The following FRRS1 variants were observed in gnomAD, a reference collection of about 807,000 sequenced individuals.
FRRS1 encodes the protein ferric reductase 1.
A neutral mutation model predicts 70.7 loss-of-function variants in FRRS1; 51 were observed. The ratio of observed to expected loss-of-function variants is 0.72; its 90% CI spans 0.58 to 0.91. FRRS1 has a LOEUF of 0.91. FRRS1 is among the 40% of genes least tolerant of loss of function. The pLI is 0.00. For missense variants in FRRS1, 672 were observed against 726.0 expected (o/e 0.93, Z 0.86); for synonymous variants, 225 against 238.7 (o/e 0.94, Z 0.53).
chr1:99,715,741 A>G, intron 11 of FRRS1, 69 bp from the exon 12 acceptor site: 1 of 1,019,738 alleles, frequency 9.8e-7, no homozygotes, highest in Non-Finnish European at 1.6e-6. Context: ...TGCAACGGGG[A>G]AAATGGGGAA....
In FRRS1 at chr1:99,719,631, G is replaced by C. The variant is rs1040911816; in HGVS notation, c.1023C>G (p.His341Gln). The C allele has an allele frequency of 1.3e-6, 2 of 1,598,620 alleles. No individual in the cohort carries two copies. The highest frequency in any genetic ancestry group is 4.5e-5 in the East Asian group (2 of 44,702). Residue 341 changes from histidine (H) to glutamine (Q), a missense_variant, in exon 10 of 17, where the codon CAC becomes CAG. Physicochemically the swap from His to Gln is conservative, Grantham distance 24 (BLOSUM62 0). Transcript: ENST00000646001. ...CATAGGTAATCAAAGGTTGCTGAGA[G>C]TGCTTGTAAATTCGACCTGCAAATT... ...GAANDGRIYK[H>Q]SQQPLITYEK...
At chr1:99,740,232 T>C (rs565014280) in intron 6 of FRRS1, among the ~76,000 whole-genome samples, 1 of 152,302 alleles carries the variant, frequency 6.6e-6, no homozygotes, top group South Asian at 2.1e-4. Context: ...AAAAAACTAT[T>C]GCTTCATCAG....
intron 4 of FRRS1, among the ~76,000 whole-genome samples, chr1:99,745,385 C>T (rs1192647938): frequency 5.9e-5 from 9 of 152,114 alleles, no homozygotes; most frequent in Non-Finnish European, 1.3e-4. Context: ...TAAAAGACTG[C>T]CTTTTAAAGG....
chr1:99,738,982 C>T (rs527539235), intron 6 of FRRS1, among the ~76,000 whole-genome samples: 8 of 152,244 alleles, frequency 5.3e-5, no homozygotes, highest in African/African-American at 1.9e-4. Context: ...TGTTCGAATG[C>T]TGTGACAGTA....
chr1:99,755,620 T>C (rs1321026639), intron 1 of FRRS1, among the ~76,000 whole-genome samples: 4 of 152,204 alleles, frequency 2.6e-5, no homozygotes, highest in Admixed American at 2.0e-4. Context: ...GAAACAAAAC[T>C]TGATATCCAG....
intron 10 of FRRS1, 61 bp downstream of exon 10, chr1:99,719,473 C>A: frequency 3.6e-6 from 3 of 840,404 alleles, no homozygotes; most frequent in Non-Finnish European, 6.1e-6. Flanking sequence ...CATTCCTAAT[C>A]CAGCCAGCAC....
chr1:99,734,657 G>C (rs1655560529), intron 7 of FRRS1, among the ~76,000 whole-genome samples: 1 of 152,140 alleles, frequency 6.6e-6, no homozygotes, highest in Non-Finnish European at 1.5e-5. Context: ...AAAGATGCTG[G>C]CAGCAGTAAC....
intron 9 of FRRS1, among the ~76,000 whole-genome samples, chr1:99,725,178 A>T (rs1309053158): frequency 1.3e-5 from 2 of 152,172 alleles, no homozygotes; most frequent in Admixed American, 6.5e-5. Flanking sequence ...GCCACCGCTG[A>T]TCTGACAGGA....
At chr1:99,745,279 G>C (rs567219608) in intron 4 of FRRS1, among the ~76,000 whole-genome samples, 224 of 152,284 alleles carry the variant, frequency 1.5e-3, no homozygotes, top group African/African-American at 5.1e-3. Context: ...CCACTGTTTT[G>C]GTTGTTAACT....
rs748407633 is a variant in FRRS1, at chr1:99,742,267, C to T, written c.340G>A (p.Ala114Thr). The T allele has an allele frequency of 2.5e-6, 4 of 1,596,860 alleles. No homozygotes were observed. The highest frequency in any genetic ancestry group is 3.3e-5 in the Admixed American group (2 of 59,978). Residue 114 changes from alanine (A) to threonine (T), a missense_variant, in exon 5 of 17, where the codon GCA becomes ACA. Physicochemically the swap from Ala to Thr is moderately conservative, Grantham distance 58. Transcript: ENST00000646001. ...LLTCEDIQGS[A>T]VSHRSASKKT... ...TTAGATGCACTTCTGTGACTCACTG[C>T]TGATCCCTGAAATAAAAGGGAAAAG...
Position 99,708,625 on chromosome 1 carries a change from A to AATATATATATATAT in FRRS1, c.*389_*402dup, listed in dbSNP as rs1232091644. On this transcript the variant is annotated 3_prime_UTR_variant, in exon 17 of 17. Coordinates refer to ENST00000646001, the MANE Select transcript of FRRS1 (RefSeq NM_001361041.2). ...AAAAAAAAAAAAAAAAAAAAAAAAA[A>AATATATATATATAT]ATATATATATATATATATATATATA... 9.5e-5 allele frequency: 5 copies of AATATATATATATAT among 52,738 alleles called. No homozygotes were observed. The highest frequency in any genetic ancestry group is 1.2e-4 in the Non-Finnish European group (4 of 32,524). The allele number at this position is 52,738 out of a possible 1,614,324, so 3.3% of individuals were successfully genotyped here.
intron 1 of FRRS1, among the ~76,000 whole-genome samples, chr1:99,758,160 G>A (rs971187934): frequency 1.3e-5 from 2 of 152,202 alleles, no homozygotes; most frequent in African/African-American, 4.8e-5. Flanking sequence ...CTTTACATAA[G>A]ATAAGGTGAA....
At position 99,740,872 on chromosome 1, in the gene FRRS1, T is replaced by C. The variant is rs1473471328; in HGVS notation, c.497A>G (p.Asn166Ser). The C allele has an allele frequency of 6.2e-7, 1 of 1,611,670 alleles. No individual in the cohort carries two copies. The change falls in exon 6 of 17, where the codon AAT becomes AGT. Residue 166 changes from asparagine to serine, a missense_variant. By Grantham distance (46) the Asn-to-Ser change is conservative. Transcript: ENST00000646001. Reference sequence around the variant, plus strand: ...TTTAGGTGTTGTAAAAGGAAATGCATTTGGTTGTGAAATTATAGGACCAGG... The same window carrying C: ...TTTAGGTGTTGTAAAAGGAAATGCACTTGGTTGTGAAATTATAGGACCAGG... ...KIPGPIISQP[N>S]AFPFTTPKAT...
At chr1:99,761,289 G>A (rs1657102697) in intron 1 of FRRS1, among the ~76,000 whole-genome samples, 1 of 151,956 alleles carries the variant, frequency 6.6e-6, no homozygotes, top group African/African-American at 2.4e-5. Context: ...ACCATGCCCA[G>A]CTAATTTTTT....
Position 99,748,883 on chromosome 1 carries a change from T to A in FRRS1, c.-1+14A>T. On this transcript the variant is annotated intron_variant, in intron 2 of 16. Transcript: ENST00000646001. ...CTTGCTTTCTGTGTTCAGCAAACCA[T>A]ATTCTCAACATACCTGATAAAAAGA... 1 of 689,920 alleles carries A rather than the reference T, an allele frequency of 1.4e-6. No individual in the cohort carries two copies. The highest frequency in any genetic ancestry group is 2.4e-6 in the Non-Finnish European group (1 of 413,378). The allele number at this position is 689,920 out of a possible 1,614,324, so 42.7% of individuals were successfully genotyped here. A position where few individuals can be genotyped will look rare whatever the true frequency, so the allele number is the denominator to read the frequency against.
At position 99,744,118 on chromosome 1, in the gene FRRS1, G is replaced by A. The variant is rs1336469738; in HGVS notation, c.334-1845C>T. On this transcript the variant is annotated intron_variant, in intron 4 of 16. Transcript: ENST00000646001. ...GAAAATTCGTAAAGCTGTCACTGCA[G>A]CTATGCCAACAGATGCAAAAACCTC... Among the ~76,000 whole-genome samples, 4 of 151,368 alleles carry A rather than the reference G, an allele frequency of 2.6e-5. No individual in the cohort carries two copies. The East Asian group carries it at 5.8e-4, about 22-fold the overall frequency.
chr1:99,731,962 G>A (rs1655409555), intron 7 of FRRS1, among the ~76,000 whole-genome samples: 1 of 152,012 alleles, frequency 6.6e-6, no homozygotes, highest in South Asian at 2.1e-4. Flanking sequence ...CACCATGCTG[G>A]GCCTGAACCC....
rs1284780017 is a variant in FRRS1 at position 99,705,012 on chromosome 1, T to A, written c.*4016A>T. ...AAGAACCCAGGGATACAGAAAGCCC[T>A]CTGTCCTTGCAATAAGGCAGGGGTC... On this transcript the variant is annotated 3_prime_UTR_variant, in exon 17 of 17. Transcript: ENST00000646001. 1.3e-5 allele frequency among the ~76,000 whole-genome samples: 2 copies of A among 152,186 alleles called. No individual in the cohort carries two copies. The highest frequency in any genetic ancestry group is 3.8e-4 in the East Asian group (2 of 5,204).
intron 3 of FRRS1, chr1:99,748,348 A>G: frequency 2.5e-6 from 1 of 393,328 alleles, no homozygotes. Context: ...AATTAATAAA[A>G]ATAGTAAATA....
Sources: allele counts gnomAD v4.1 joint callset (sites outside exome capture counted in the v4.1 genomes callset), GRCh38; gene constraint gnomAD v4.1.1; transcripts MANE v1.5; gene names NCBI Gene and HGNC (gene_info 2026-07-23, HGNC 2026-07-21).